The following MYOCD variants were observed in gnomAD, a reference collection of about 807,000 sequenced individuals.
MYOCD encodes myocardin.
MYOCD carries 32 observed loss-of-function variants against 96.1 expected under a neutral mutation model. That is an observed-to-expected ratio of 0.33 (90% CI 0.25 to 0.45). MYOCD has a LOEUF of 0.45. MYOCD is among the 20% of genes least tolerant of loss of function. The probability of loss-of-function intolerance (pLI) is 1.00; values close to 1 mark genes in which losing one functional copy is unlikely to be tolerated. For missense variants in MYOCD, 1,133 were observed against 1,200.6 expected (o/e 0.94, Z 0.83); for synonymous variants, 469 against 469.0 (o/e 1.00, Z 0.00).
At chr17:12,751,203 A>G (rs906992881) in intron 9 of MYOCD, among the ~76,000 whole-genome samples, 3 of 152,066 alleles carry the variant, frequency 2.0e-5, no homozygotes, top group Non-Finnish European at 4.4e-5. Flanking sequence ...TTTAGAACAT[A>G]CAGATAAGGA....
chr17:12,758,645 C>G (rs1457134134), intron 12 of MYOCD, among the ~76,000 whole-genome samples: 4 of 152,154 alleles, frequency 2.6e-5, no homozygotes, highest in Non-Finnish European at 5.9e-5. Context: ...ATTCAGTGAC[C>G]CTGGCAAAAC....
At chr17:12,715,368 C>T in intron 2 of MYOCD, 151 bp from the exon 3 acceptor site, 1 of 531,854 alleles carries the variant, frequency 1.9e-6, no homozygotes, top group Non-Finnish European at 3.3e-6. Context: ...CGCTGGTGTC[C>T]TCCAGGCCTG....
In MYOCD at chr17:12,752,839, G is replaced by A. The variant is rs2032895473; in HGVS notation, c.1551G>A (p.Lys517=). The change falls in exon 10 of 14, where the codon AAG becomes AAA. Residue 517 remains lysine, a synonymous_variant. Transcript: ENST00000425538. ...PSELDGLDSE[K]DKMLVEKQKV... is the part of the protein sequence containing the mutation. ...AGCTGGATGGGCTGGACTCCGAGAA[G>A]GACAAGATGCTGGTGGAGAAGCAGA... The A allele has an allele frequency of 6.2e-7, 1 of 1,614,098 alleles. No individual in the cohort carries two copies. The highest frequency in any genetic ancestry group is 8.5e-7 in the Non-Finnish European group (1 of 1,180,012).
intron 2 of MYOCD, among the ~76,000 whole-genome samples, chr17:12,709,235 G>A (rs573710812): frequency 6.6e-6 from 1 of 152,278 alleles, no homozygotes; most frequent in African/African-American, 2.4e-5. Flanking sequence ...CTTTTCCTGG[G>A]CATGCATTCT....
chr17:12,745,790 C>G (rs1016158573), intron 8 of MYOCD, 129 bp from the exon 9 acceptor site: 6 of 937,752 alleles, frequency 6.4e-6, no homozygotes, highest in Non-Finnish European at 9.8e-6. Context: ...TTTTTCCTCA[C>G]CCTGGTCTCT....
At chr17:12,750,487 C>G (rs759997307) in intron 9 of MYOCD, among the ~76,000 whole-genome samples, 7 of 151,996 alleles carry the variant, frequency 4.6e-5, no homozygotes, top group Non-Finnish European at 8.8e-5. Context: ...TCAGGAGTTC[C>G]AGACCAGCCT....
chr17:12,763,282 A>G lies in MYOCD; in HGVS notation c.2599A>G (p.Lys867Glu). 2 of 1,613,184 alleles carry G rather than the reference A, an allele frequency of 1.2e-6. No homozygotes were observed. Among genetic ancestry groups the G allele is most frequent in the Non-Finnish European group, 8.5e-7 (1 of 1,179,630 alleles). Reference protein sequence around the residue: ...VLLNSQSPLGKMSDVTLLKIG... With the variant: ...VLLNSQSPLGEMSDVTLLKIG... ...ATTAAATTCCCAGAGCCCCCTAGGA[A>G]AGATGAGTGATGTCACCCTTCTAAA... The change falls in exon 14 of 14, where the codon AAG becomes GAG. Residue 867 changes from lysine (K) to glutamate (E), a missense_variant. By Grantham distance (56) the Lys-to-Glu change is moderately conservative (BLOSUM62 1). Coordinates refer to ENST00000425538, the MANE Select transcript of MYOCD (RefSeq NM_001146312.3).
chr17:12,666,392 G>A, intron 1 of MYOCD, 149 bp downstream of exon 1: 1 of 664,382 alleles, frequency 1.5e-6, no homozygotes, highest in Admixed American at 2.4e-5. Context: ...GAAGAGTTTT[G>A]TTTGACTTTG....
At chr17:12,688,630 GTCTTCTTCCTTCCA>G (rs765584992) in intron 1 of MYOCD, among the ~76,000 whole-genome samples, 10 of 122,562 alleles carry the variant, frequency 8.2e-5, no homozygotes, top group Middle Eastern at 6.5e-3. Context: ...CCTTCTTTCC[GTCTTCTTCCTTCCA>G]TCTTCTTCCT....
intron 2 of MYOCD, among the ~76,000 whole-genome samples, chr17:12,711,800 G>A (rs886081405): frequency 6.6e-6 from 1 of 152,092 alleles, no homozygotes; most frequent in Non-Finnish European, 1.5e-5. Context: ...CCATCACAGC[G>A]GTTCTGAAGC....
At chr17:12,715,609 C>T (rs1466410347) in intron 3 of MYOCD, 35 bp downstream of exon 3, 2 of 1,544,802 alleles carry the variant, frequency 1.3e-6, no homozygotes, top group South Asian at 1.1e-5. Context: ...CAAGCTTAGA[C>T]TATAGGTTAT....
Position 12,710,011 on chromosome 17 carries a change from C to G in MYOCD, c.121+4818C>G, listed in dbSNP as rs189642324. Among the ~76,000 whole-genome samples, 100 of 152,312 alleles carry G rather than the reference C, an allele frequency of 6.6e-4. 1 individual carries two copies. Among genetic ancestry groups the G allele is most frequent in the Non-Finnish European group, 4.1e-4 (28 of 68,036 alleles). On this transcript the variant is annotated intron_variant, in intron 2 of 13. Coordinates refer to ENST00000425538, the MANE Select transcript of MYOCD (RefSeq NM_001146312.3). ...ATTTCAGTAAATCTTTATTAATCCTCTGCTGTGAGAAAGGCTCTGGGGAAC... is the reference window on the plus strand; with the variant it reads ...ATTTCAGTAAATCTTTATTAATCCTGTGCTGTGAGAAAGGCTCTGGGGAAC...
At chr17:12,721,494 T>C (rs1407468030) in intron 4 of MYOCD, among the ~76,000 whole-genome samples, 1 of 151,972 alleles carries the variant, frequency 6.6e-6, no homozygotes, top group Non-Finnish European at 1.5e-5. Flanking sequence ...ATGTTGGTAA[T>C]GGGGAGTGGG....
rs1439182866 is a variant in MYOCD at position 12,758,177 on chromosome 17, A to C, written c.2295A>C (p.Val765=). 1 of 1,614,072 alleles carries C rather than the reference A, an allele frequency of 6.2e-7. No individual in the cohort carries two copies. The highest frequency in any genetic ancestry group is 8.5e-7 in the Non-Finnish European group (1 of 1,180,022). ...FSKSSSAISE[V]TQPPSYEDAV... ...AGTCAAGTTCAGCAATTTCAGAGGT[A>C]ACACAGCCTCCATCCTATGAAGATG... Residue 765 remains valine (V), a synonymous_variant, in exon 12 of 14, where the codon GTA becomes GTC. Coordinates refer to ENST00000425538, the MANE Select transcript of MYOCD (RefSeq NM_001146312.3).
intron 1 of MYOCD, among the ~76,000 whole-genome samples, chr17:12,692,645 ACTGT>A (rs1353994984): frequency 2.6e-5 from 4 of 152,160 alleles, no homozygotes; most frequent in Admixed American, 2.0e-4. Context: ...GGCAGAGGTG[ACTGT>A]CTAAGTAATA....
chr17:12,705,024 A>G, intron 1 of MYOCD, 104 bp from the exon 2 acceptor site: 1 of 712,894 alleles, frequency 1.4e-6, no homozygotes, highest in Non-Finnish European at 2.4e-6. Flanking sequence ...AATTTACAGA[A>G]CTCTTTTAGA....
intron 8 of MYOCD, among the ~76,000 whole-genome samples, chr17:12,745,191 T>C (rs1367760877): frequency 1.3e-5 from 2 of 152,142 alleles, no homozygotes; most frequent in Non-Finnish European, 2.9e-5. Flanking sequence ...TTTATTTTTT[T>C]TAAATATATT....
intron 2 of MYOCD, among the ~76,000 whole-genome samples, chr17:12,710,801 A>G (rs888402702): frequency 1.3e-5 from 2 of 152,180 alleles, no homozygotes; most frequent in Admixed American, 6.5e-5. Flanking sequence ...AAATTCAGAG[A>G]TAGAAAAAGG....
chr17:12,760,339 G>C (rs1273628008), intron 12 of MYOCD: 1 of 346,506 alleles, frequency 2.9e-6, no homozygotes, highest in Non-Finnish European at 5.5e-6. Flanking sequence ...GCGGTTGCCA[G>C]GGGCTAAAGG....
Sources: allele counts gnomAD v4.1 joint callset (sites outside exome capture counted in the v4.1 genomes callset), GRCh38; gene constraint gnomAD v4.1.1; transcripts MANE v1.5; gene names NCBI Gene and HGNC (gene_info 2026-07-23, HGNC 2026-07-21).